Variants in CELF2 observed in about 807,000 individuals in gnomAD.
CELF2 encodes CUG triplet repeat RNA-binding protein 2.
A neutral mutation model predicts 62.6 loss-of-function variants in CELF2; 8 were observed. That is an observed-to-expected ratio of 0.13 (90% CI 0.07 to 0.23). The LOEUF (loss-of-function observed/expected upper bound fraction) is 0.23. Among genes scored for constraint, CELF2 ranks in the 10% least tolerant of loss-of-function variants. The probability of loss-of-function intolerance (pLI) is 1.00; values close to 1 mark genes in which losing one functional copy is unlikely to be tolerated. For synonymous variants in CELF2, 258 were observed against 250.0 expected, an observed-to-expected ratio of 1.03 and a Z score of -0.30; for missense variants, 333 against 671.0, an observed-to-expected ratio of 0.50 and a Z score of 5.56.
At position 11,321,351 on chromosome 10, in the gene CELF2, T is replaced by TGCA. The variant is rs1377596335; in HGVS notation, c.1267_1269dup (p.Gln423dup). On this transcript the variant is annotated inframe_insertion, in exon 11 of 13. Transcript: ENST00000633077. This position sits in a 1 kb window ranked among gnomAD's most constrained non-coding sequence, Gnocchi z 6.2. ...CCCACTCTGTACAGCCAGAGCCTGC[T>TGCA]GCAGCAGCAGAGCGCTGCAGGCAGC... The TGCA allele has an allele frequency of 1.2e-6, 2 of 1,610,210 alleles. No individual in the cohort carries two copies. Among genetic ancestry groups the TGCA allele is most frequent in the Admixed American group, 3.3e-5 (2 of 60,006 alleles).
intron 1 of CELF2, among the ~76,000 whole-genome samples, chr10:11,020,426 G>A (rs780543941): frequency 1.1e-4 from 17 of 152,178 alleles, no homozygotes; most frequent in African/African-American, 1.7e-4. Flanking sequence ...GGGGATAGAG[G>A]TGTGTGGGGG....
At chr10:10,540,984 C>G in the CELF2 span, among the ~76,000 whole-genome samples, 1 of 152,048 alleles carries the variant, frequency 6.6e-6, no homozygotes, top group Non-Finnish European at 1.5e-5. Flanking sequence ...GGAGATCGCG[C>G]CACTGCACTC....
In CELF2 at chr10:11,029,919, A is replaced by C. The variant is rs527273971; in HGVS notation, c.74+11756A>C. 7.2e-5 allele frequency among the ~76,000 whole-genome samples: 11 copies of C among 152,350 alleles called. No homozygotes were observed. The South Asian group carries it at 2.3e-3, about 32-fold the overall frequency. Reference sequence around the variant, plus strand: ...ACCAAAATTGGACTTTTGTCACCTCAGAAGCCACGTGATTGGCCACACTTT... The same window carrying C: ...ACCAAAATTGGACTTTTGTCACCTCCGAAGCCACGTGATTGGCCACACTTT... On this transcript the variant is annotated intron_variant, in intron 1 of 12. Coordinates refer to ENST00000633077, the MANE Select transcript of CELF2 (RefSeq NM_001326342.2).
At chr10:10,757,716 G>A in the CELF2 span, among the ~76,000 whole-genome samples, 1 of 150,848 alleles carries the variant, frequency 6.6e-6, no homozygotes, top group Non-Finnish European at 1.5e-5. Context: ...GAAGAAGTTG[G>A]ATCTACACCT....
the CELF2 span, among the ~76,000 whole-genome samples, chr10:10,502,482 A>G: frequency 2.0e-5 from 3 of 151,942 alleles, no homozygotes; most frequent in South Asian, 6.2e-4. Context: ...TTTCATATTG[A>G]GTGAATTGTG....
intron 1 of CELF2, among the ~76,000 whole-genome samples, chr10:10,806,806 G>T (rs1449056772): frequency 6.6e-6 from 1 of 152,176 alleles, no homozygotes; most frequent in Non-Finnish European, 1.5e-5. Flanking sequence ...AAGAGTATTT[G>T]GTAAGGGGTG....
At chr10:10,679,450 C>T in the CELF2 span, among the ~76,000 whole-genome samples, 6 of 152,106 alleles carry the variant, frequency 3.9e-5, no homozygotes, top group South Asian at 6.2e-4. Context: ...CCACCATGCC[C>T]GGCTAATTTT....
At chr10:11,106,061 G>A (rs1200863344) in intron 1 of CELF2, among the ~76,000 whole-genome samples, 1 of 152,144 alleles carries the variant, frequency 6.6e-6, no homozygotes, top group Non-Finnish European at 1.5e-5. Context: ...ATGATGAAAA[G>A]TTTTTATGAT....
At chr10:10,616,619 C>T in the CELF2 span, among the ~76,000 whole-genome samples, 2 of 150,694 alleles carry the variant, frequency 1.3e-5, no homozygotes, top group Admixed American at 1.3e-4. Flanking sequence ...AGGCTGTTAC[C>T]TACTCACTGC....
At chr10:10,633,290 C>T in the CELF2 span, among the ~76,000 whole-genome samples, 1 of 152,158 alleles carries the variant, frequency 6.6e-6, no homozygotes. Context: ...TCATCAGTTG[C>T]ACCATCAGAA....
At position 10,972,059 on chromosome 10, in the gene CELF2, C is replaced by T. The variant is rs2050810656; in HGVS notation, c.89+52060C>T. Among the ~76,000 whole-genome samples, 1 of 152,112 alleles carries T rather than the reference C, an allele frequency of 6.6e-6. No individual in the cohort carries two copies. The highest frequency in any genetic ancestry group is 1.5e-5 in the Non-Finnish European group (1 of 68,034). On this transcript the variant is annotated intron_variant, in intron 2 of 13. Coordinates refer to the CELF2 transcript ENST00000636488. The surrounding 1 kb of genome is among the most constrained non-coding windows in gnomAD (Gnocchi z 4.4). ...TTCAGTCAGTTCATCTTTACTACTCCACTGAAACAATATTGGTTGATAGAG... is the reference window on the plus strand; with the variant it reads ...TTCAGTCAGTTCATCTTTACTACTCTACTGAAACAATATTGGTTGATAGAG...
chr10:10,799,737 A>T (rs968610961), intron 1 of CELF2, among the ~76,000 whole-genome samples: 3 of 152,116 alleles, frequency 2.0e-5, no homozygotes, highest in South Asian at 2.1e-4. Flanking sequence ...TTAGAACACA[A>T]GGAGCTAGAA....
intron 1 of CELF2, among the ~76,000 whole-genome samples, chr10:11,140,361 C>G (rs907520831): frequency 6.6e-6 from 1 of 152,110 alleles, no homozygotes; most frequent in Non-Finnish European, 1.5e-5. Context: ...CCATCTCACC[C>G]TCCCAGGTAG....
At chr10:10,542,422 G>A in the CELF2 span, among the ~76,000 whole-genome samples, 2 of 152,156 alleles carry the variant, frequency 1.3e-5, no homozygotes, top group Non-Finnish European at 2.9e-5. Context: ...AATGAAGACA[G>A]ACAAAGGCTA....
chr10:10,494,800 G>A, the CELF2 span, among the ~76,000 whole-genome samples: 5 of 152,264 alleles, frequency 3.3e-5, no homozygotes, highest in African/African-American at 9.6e-5. Flanking sequence ...TCTGGGATTT[G>A]ATGTCTCAGA....
intron 2 of CELF2, among the ~76,000 whole-genome samples, chr10:10,951,092 C>G (rs1019570406): frequency 6.6e-6 from 1 of 152,206 alleles, no homozygotes; most frequent in Admixed American, 6.5e-5. Flanking sequence ...AAACCAGTTA[C>G]CAAAGCCATC....
At position 10,901,946 on chromosome 10, in the gene CELF2, G is replaced by A. The variant is rs140996190; in HGVS notation, c.54-18018G>A. On this transcript the variant is annotated intron_variant, in intron 1 of 13. Transcript: ENST00000636488. ...TTTGAATAAGCATTTCACCAAAGAA[G>A]ACACGCAAATGTCAAATAAGCACAC... 5.3e-5 allele frequency among the ~76,000 whole-genome samples: 8 copies of A among 152,266 alleles called. No homozygotes were observed. In the East Asian group the frequency reaches 1.5e-3, roughly 29 times the overall value.
At chr10:11,308,382 TGTGTGTGAGTGTGCTTAATG>T (rs1451784967) in intron 9 of CELF2, among the ~76,000 whole-genome samples, 1 of 152,228 alleles carries the variant, frequency 6.6e-6, no homozygotes, top group East Asian at 1.9e-4. Context: ...ACACTTTACA[TGTGTGTGAGTGTGCTTAATG>T]GTGTACCATA....
intron 1 of CELF2, among the ~76,000 whole-genome samples, chr10:11,149,981 G>A (rs2063024952): frequency 6.6e-6 from 1 of 152,168 alleles, no homozygotes; most frequent in South Asian, 2.1e-4. Context: ...GGGGAAATGT[G>A]GTTTCCAAAA....
Sources: gnomAD v4.1 joint callset for allele counts (sites outside exome capture counted in the v4.1 genomes callset) on GRCh38, gnomAD v4.1.1 for gene constraint, Gnocchi (gnomAD v3.1) non-coding constraint, MANE v1.5 for transcripts, NCBI Gene and HGNC (gene_info 2026-07-23, HGNC 2026-07-21) for gene names.